AASDH: variants seen among roughly 807,000 people sequenced by gnomAD.
AASDH encodes the protein beta-alanine-activating enzyme.
AASDH carries 81 observed loss-of-function variants against 102.3 expected under a neutral mutation model. The observed-to-expected ratio is 0.79, with a 90% confidence interval of 0.66 to 0.95. AASDH has a LOEUF of 0.95. Ranked by LOEUF, AASDH falls within the 40% of genes least tolerant of loss-of-function variation. The pLI is 0.00. For synonymous variants in AASDH, 398 were observed against 454.0 expected (o/e 0.88, Z 1.57); for missense variants, 1,203 against 1,266.2 (o/e 0.95, Z 0.76).
chr4:56,385,960 T>C (rs1753510373), intron 1 of AASDH, among the ~76,000 whole-genome samples: 1 of 151,878 alleles, frequency 6.6e-6, no homozygotes, highest in African/African-American at 2.4e-5. Context: ...TCACACCTAT[T>C]TGAATTGATT....
chr4:56,361,846 C>T (rs1187268877), intron 5 of AASDH, among the ~76,000 whole-genome samples: 2 of 152,072 alleles, frequency 1.3e-5, no homozygotes, highest in Non-Finnish European at 2.9e-5. Flanking sequence ...ATGGCATGCA[C>T]CTGTGGTCCC....
intron 14 of AASDH, among the ~76,000 whole-genome samples, chr4:56,342,110 CAAAAAAAAAAAAAAA>C (rs113304959): frequency 2.1e-5 from 2 of 97,484 alleles, no homozygotes; most frequent in South Asian, 3.4e-4. Flanking sequence ...GATTCTGTCT[CAAAAAAAAAAAAAAA>C]AAAAAAAAAG....
chr4:56,377,122 T>C (rs1051436417), intron 4 of AASDH, among the ~76,000 whole-genome samples: 1 of 151,832 alleles, frequency 6.6e-6, no homozygotes, highest in Non-Finnish European at 1.5e-5. Context: ...CACTTGATTC[T>C]TTTTTCTTCC....
intron 11 of AASDH, among the ~76,000 whole-genome samples, chr4:56,348,685 C>T (rs1288491671): frequency 2.6e-5 from 4 of 152,142 alleles, no homozygotes; most frequent in African/African-American, 9.7e-5. Flanking sequence ...ATGTTAGCTG[C>T]CATGTTGTAA....
chr4:56,383,000 T>A (rs1169268078), intron 2 of AASDH, among the ~76,000 whole-genome samples: 1 of 152,192 alleles, frequency 6.6e-6, no homozygotes, highest in Non-Finnish European at 1.5e-5. Flanking sequence ...GAGGTTGCGG[T>A]GAGCCGAGAT....
intron 4 of AASDH, among the ~76,000 whole-genome samples, chr4:56,374,367 C>CAA (rs752531940): frequency 0.05 from 5,396 of 108,076 alleles, 436 homozygotes; most frequent in African/African-American, 0.063. Context: ...GACTCTGTCT[C>CAA]AGAAAAAAAA....
intron 13 of AASDH, 76 bp from the exon 14 acceptor site, chr4:56,343,042 A>G: frequency 7.4e-7 from 1 of 1,345,700 alleles, no homozygotes; most frequent in South Asian, 1.9e-5. Flanking sequence ...ACAAACTCAT[A>G]CATCTCCTAG....
In AASDH at chr4:56,348,107, C is replaced by T. The variant is rs547441491; in HGVS notation, c.2488+1156G>A. On this transcript the variant is annotated intron_variant, in intron 11 of 14. Coordinates refer to ENST00000205214, the MANE Select transcript of AASDH (RefSeq NM_181806.4). ...TGGAGGTTGTAGTGAACCAAGATCG[C>T]GCCACTGCACTCCAGCCTGGGAAAC... Among the ~76,000 whole-genome samples the T allele has an allele frequency of 1.7e-4, 25 of 151,110 alleles. No homozygotes were observed. In the East Asian group the frequency reaches 2.9e-3, roughly 18 times the overall value.
At chr4:56,368,910 A>T (rs1401302188) in intron 5 of AASDH, among the ~76,000 whole-genome samples, 1 of 151,978 alleles carries the variant, frequency 6.6e-6, no homozygotes, top group Non-Finnish European at 1.5e-5. Flanking sequence ...CTCCCAAAAA[A>T]AAAAGAAAAA....
At chr4:56,344,988 G>GTGGA in intron 12 of AASDH, 139 bp downstream of exon 12, 1 of 704,128 alleles carries the variant, frequency 1.4e-6, no homozygotes, top group Non-Finnish European at 2.2e-6. Flanking sequence ...GTCACCCAGG[G>GTGGA]TGGAATACAC....
At chr4:56,351,306 C>G (rs1041200757) in intron 10 of AASDH, 36 bp downstream of exon 10, 15 of 1,353,054 alleles carry the variant, frequency 1.1e-5, no homozygotes, top group Non-Finnish European at 1.6e-5. Context: ...AAAACGACCT[C>G]TTTATAATAA....
intron 5 of AASDH, among the ~76,000 whole-genome samples, chr4:56,359,534 C>T (rs915269327): frequency 1.4e-4 from 22 of 151,732 alleles, no homozygotes; most frequent in Non-Finnish European, 2.7e-4. Context: ...GGAGTATAGG[C>T]GTGAGTCACC....
intron 5 of AASDH, chr4:56,356,270 C>T: frequency 2.0e-6 from 2 of 1,005,608 alleles, no homozygotes; most frequent in Non-Finnish European, 1.6e-6. Flanking sequence ...AGACATCCAG[C>T]CCAAAAGAGA....
Position 56,354,089 on chromosome 4 carries a change from TGTC to T in AASDH, c.1330_1332del (p.Asp444del). On this transcript the variant is annotated inframe_deletion, in exon 8 of 15. Coordinates refer to ENST00000205214, the MANE Select transcript of AASDH (RefSeq NM_181806.4). ...CGTTTGCCATGACGTTTGATCTGAC[TGTC>T]TTTTCGTCCCAAAAAAAAAATCTCT... is the stretch of plus-strand genomic sequence containing the variant. 6.2e-7 allele frequency: 1 copy of T among 1,613,404 alleles called. No individual in the cohort carries two copies. The highest frequency in any genetic ancestry group is 8.5e-7 in the Non-Finnish European group (1 of 1,179,576).
rs1276899212 is a variant in AASDH, at chr4:56,342,876, C to T, written c.2866G>A (p.Val956Ile). Reference protein sequence around the residue: ...CCSQYICIGCVDGNLLCFTHF... With the variant: ...CCSQYICIGCIDGNLLCFTHF... The stretch of plus-strand genomic sequence containing the variant: ...GTAAAGCAGAGTAAATTCCCATCTA[C>T]ACAGCCAATACAAATATACTGTGAG... Residue 956 changes from valine to isoleucine, a missense_variant, in exon 14 of 15, where the codon GTA (valine) becomes ATA (isoleucine). Physicochemically the swap from Val to Ile is conservative, Grantham distance 29 (BLOSUM62 3). Transcript: ENST00000205214. The T allele has an allele frequency of 1.3e-6, 2 of 1,562,258 alleles. No homozygotes were observed. The highest frequency in any genetic ancestry group is 1.4e-5 in the African/African-American group (1 of 73,420).
chr4:56,354,868 C>A, intron 6 of AASDH, 57 bp from the exon 7 acceptor site: 1 of 1,352,300 alleles, frequency 7.4e-7, no homozygotes, highest in South Asian at 1.3e-5. Flanking sequence ...AGAATATTTT[C>A]CAATATATTT....
chr4:56,377,708 A>G (rs150298039), intron 4 of AASDH, among the ~76,000 whole-genome samples: 125 of 152,356 alleles, frequency 8.2e-4, no homozygotes, highest in African/African-American at 3.0e-3. Context: ...CTGAAACAAA[A>G]AAGACTCAAT....
At chr4:56,342,420 T>C (rs1747813637) in intron 14 of AASDH, among the ~76,000 whole-genome samples, 1 of 152,118 alleles carries the variant, frequency 6.6e-6, no homozygotes, top group South Asian at 2.1e-4. Flanking sequence ...CATAAATAGG[T>C]ACAAATGTCT....
intron 4 of AASDH, among the ~76,000 whole-genome samples, chr4:56,372,736 T>C (rs1751885974): frequency 6.6e-6 from 1 of 152,092 alleles, no homozygotes; most frequent in African/African-American, 2.4e-5. Flanking sequence ...ATCATAAGGC[T>C]CACAGCCCAC....
Sources: gnomAD v4.1 joint callset for allele counts (sites outside exome capture counted in the v4.1 genomes callset) on GRCh38, gnomAD v4.1.1 for gene constraint, MANE v1.5 for transcripts, NCBI Gene and HGNC (gene_info 2026-07-23, HGNC 2026-07-21) for gene names.